TF: variants seen among roughly 807,000 people sequenced by gnomAD.
TF encodes transferrin.
In TF, 55 loss-of-function variants were observed where a neutral mutation model predicts 82.4. The observed-to-expected ratio is 0.67, with a 90% CI of 0.54 to 0.84. The LOEUF (loss-of-function observed/expected upper bound fraction) is 0.84. TF is among the 40% of genes least tolerant of loss of function. The probability of loss-of-function intolerance (pLI) is 0.00; values close to 1 mark genes in which losing one functional copy is unlikely to be tolerated. For missense variants in TF, 737 were observed against 868.4 expected (o/e 0.85, Z 1.90); for synonymous variants, 332 against 332.6 (o/e 1.00, Z 0.02).
intron 2 of TF, 156 bp downstream of exon 2, chr3:133,748,740 T>C: frequency 1.0e-6 from 1 of 969,562 alleles, no homozygotes; most frequent in South Asian, 1.4e-5. Context: ...AATGGGGAGG[T>C]TTTCTTTAAT....
chr3:133,683,151 G>A, the TF span, among the ~76,000 whole-genome samples: 1 of 152,150 alleles, frequency 6.6e-6, no homozygotes, highest in Non-Finnish European at 1.5e-5. Context: ...ACAAGCAAAT[G>A]CTGAGAGCTT....
At chr3:133,719,384 C>T in the TF span, among the ~76,000 whole-genome samples, 1 of 152,126 alleles carries the variant, frequency 6.6e-6, no homozygotes, top group Non-Finnish European at 1.5e-5. Flanking sequence ...AAGCAGTTTT[C>T]TTTGTCCATG....
Position 133,759,097 on chromosome 3 carries a change from A to C in TF, c.1049-78A>C, listed in dbSNP as rs1933914097. 3.2e-6 allele frequency: 5 copies of C among 1,576,152 alleles called. No individual in the cohort carries two copies. The East Asian group carries it at 1.1e-4, about 35-fold the overall frequency. The stretch of plus-strand genomic sequence containing the variant: ...GCTGGCAAATCCCAGCATTTGCATG[A>C]AGACAGTGAGTAGTGCTGACAAACA... On this transcript the variant is annotated intron_variant, in intron 8 of 16. Coordinates refer to ENST00000402696, the MANE Select transcript of TF (RefSeq NM_001063.4).
chr3:133,739,268 A>G, the TF span, among the ~76,000 whole-genome samples: 1 of 152,236 alleles, frequency 6.6e-6, no homozygotes, highest in African/African-American at 2.4e-5. Flanking sequence ...CCATATGTAG[A>G]AAACTGAAAC....
At chr3:133,710,357 A>G in the TF span, among the ~76,000 whole-genome samples, 3 of 152,192 alleles carry the variant, frequency 2.0e-5, no homozygotes, top group Non-Finnish European at 4.4e-5. Context: ...AGCGCGGCAG[A>G]GCAGTTTGTG....
At chr3:133,768,531 A>C (rs958001088) in intron 13 of TF, among the ~76,000 whole-genome samples, 2 of 152,232 alleles carry the variant, frequency 1.3e-5, no homozygotes, top group African/African-American at 4.8e-5. Flanking sequence ...TCAACAATGC[A>C]CAGGATAGCA....
chr3:133,753,709 T>C lies in TF; in HGVS notation c.325+6T>C. 7 of 1,608,984 alleles carry C rather than the reference T, an allele frequency of 4.4e-6. No homozygotes were observed. Among genetic ancestry groups the C allele is most frequent in the Non-Finnish European group, 6.0e-6 (7 of 1,175,294 alleles). On this transcript the variant is annotated splice_donor_region_variant and intron_variant, in intron 3 of 16. Coordinates refer to ENST00000402696, the MANE Select transcript of TF (RefSeq NM_001063.4). ...GTTCTATGGGTCAAAAGAGGGTAAG[T>C]TCTCCCTGGGACCCCAGGAAGGAGT...
At chr3:133,762,419 C>T (rs1165404090) in intron 9 of TF, 5 of 152,198 alleles carry the variant, frequency 3.3e-5, no homozygotes, top group Non-Finnish European at 7.3e-5. Context: ...TACAGTCAAC[C>T]GTGGTCCAAA....
chr3:133,767,387 G>T (rs1934153466), intron 12 of TF, among the ~76,000 whole-genome samples: 1 of 152,154 alleles, frequency 6.6e-6, no homozygotes, highest in African/African-American at 2.4e-5. Flanking sequence ...CTCTAAATCT[G>T]GTTATTAACC....
chr3:133,727,800 T>C, the TF span, among the ~76,000 whole-genome samples: 687 of 121,680 alleles, frequency 5.6e-3, 8 homozygotes, highest in Non-Finnish European at 8.0e-3. Flanking sequence ...GTACCGGTTG[T>C]TCCTTTCCAT....
the TF span, among the ~76,000 whole-genome samples, chr3:133,730,933 A>G: frequency 1.3e-5 from 2 of 152,198 alleles, no homozygotes; most frequent in Admixed American, 1.3e-4. Context: ...GTACATGTAT[A>G]CACTTTACAT....
chr3:133,756,401 C>T, intron 6 of TF, 64 bp downstream of exon 6: 1 of 1,517,650 alleles, frequency 6.6e-7, no homozygotes, highest in South Asian at 1.1e-5. Flanking sequence ...TTCTGTGTTC[C>T]CTTTTTCATG....
At position 133,768,090 on chromosome 3, in the gene TF, G is replaced by A; in HGVS notation, c.1548G>A (p.Leu516=). The A allele has an allele frequency of 1.2e-6, 2 of 1,614,224 alleles. No individual in the cohort carries two copies. Among genetic ancestry groups the A allele is most frequent in the Non-Finnish European group, 1.7e-6 (2 of 1,180,040 alleles). ...AGAAAGACTCCAGTCTCTGTAAGCT[G>A]TGTATGGGCTCAGGCCTAAACCTGT... ...GSKKDSSLCK[L]CMGSGLNLCE... is the part of the protein sequence containing the mutation. Residue 516 remains leucine, a synonymous_variant, in exon 13 of 17, where the codon CTG becomes CTA. Transcript: ENST00000402696.
upstream of TF, among the ~76,000 whole-genome samples, chr3:133,741,347 C>A (rs573633020): frequency 6.6e-6 from 1 of 152,088 alleles, no homozygotes; most frequent in African/African-American, 2.4e-5. Flanking sequence ...TATATACATA[C>A]AATTTATTAT....
rs1934871059 is a variant in TF, at chr3:133,792,701, C to T, written c.*14081C>T. 1 of 151,992 alleles carries T rather than the reference C, an allele frequency of 6.6e-6. No individual in the cohort carries two copies. The highest frequency in any genetic ancestry group is 1.5e-5 in the Non-Finnish European group (1 of 67,968). 9.4% of individuals were successfully genotyped at this position (151,992 alleles called of 1,614,324 possible). On this transcript the variant is annotated 3_prime_UTR_variant, in exon 17 of 17. Coordinates refer to ENST00000402696, the MANE Select transcript of TF (RefSeq NM_001063.4). ...ATGCATTTTCAGTGAAAGATTATAA[C>T]AAGGCATGGGAATGTAGATTTTTTT...
At chr3:133,670,700 G>A in the TF span, among the ~76,000 whole-genome samples, 3 of 152,146 alleles carry the variant, frequency 2.0e-5, no homozygotes, top group Non-Finnish European at 4.4e-5. Context: ...TTGATTTTTT[G>A]AGCCCAATAC....
Position 133,783,940 on chromosome 3 carries a change from G to A in TF, c.*5320G>A, listed in dbSNP as rs561754045. The stretch of plus-strand genomic sequence containing the variant: ...CCTGGGTGGCGGCAGGTATAGCAGG[G>A]CGGGAAGCAGGGAGGCGGCCCCAAC... On this transcript the variant is annotated 3_prime_UTR_variant, in exon 17 of 17. Coordinates refer to ENST00000402696, the MANE Select transcript of TF (RefSeq NM_001063.4). 1 of 152,704 alleles carries A rather than the reference G, an allele frequency of 6.5e-6. No individual in the cohort carries two copies. The highest frequency in any genetic ancestry group is 2.4e-5 in the African/African-American group (1 of 41,596). The allele number at this position is 152,704 out of a possible 1,614,324, so 9.5% of individuals were successfully genotyped here.
chr3:133,748,598 G>A lies in TF; in HGVS notation c.216+14G>A, dbSNP rs114449208. The A allele has an allele frequency of 1.2e-6, 2 of 1,613,792 alleles. No homozygotes were observed. The highest frequency in any genetic ancestry group is 1.7e-6 in the Non-Finnish European group (2 of 1,179,960). Reference sequence around the variant, plus strand: ...AGGGCCATTGCGGTAAGTCGCTGCTGCCTAAAAGAGAGTGGAAGAAAGCCA... The same window carrying A: ...AGGGCCATTGCGGTAAGTCGCTGCTACCTAAAAGAGAGTGGAAGAAAGCCA... On this transcript the variant is annotated intron_variant, in intron 2 of 16. Transcript: ENST00000402696.
chr3:133,740,714 T>A, the TF span, among the ~76,000 whole-genome samples: 2 of 152,172 alleles, frequency 1.3e-5, no homozygotes, highest in Non-Finnish European at 2.9e-5. Flanking sequence ...GGGAGTACAT[T>A]GAATTTCTAC....
Sources: allele counts gnomAD v4.1 joint callset (sites outside exome capture counted in the v4.1 genomes callset), GRCh38; gene constraint gnomAD v4.1.1; transcripts MANE v1.5; gene names NCBI Gene and HGNC (gene_info 2026-07-23, HGNC 2026-07-21).